RANBP2: variants seen among roughly 807,000 people sequenced by gnomAD.
RANBP2 encodes the protein RAN binding protein 2.
Under a neutral mutation model 303.6 loss-of-function variants are expected in RANBP2, and 57 were observed. The ratio of observed to expected loss-of-function variants is 0.19; its 90% CI spans 0.15 to 0.23. The LOEUF is 0.23. RANBP2 is among the 10% of genes least tolerant of loss of function. RANBP2 has a pLI of 1.00. For missense variants in RANBP2, 3,138 were observed against 3,780.8 expected, an observed-to-expected ratio of 0.83 and a Z score of 4.46; for synonymous variants, 1,167 against 1,301.5, an observed-to-expected ratio of 0.90 and a Z score of 2.23.
At chr2:109,189,377 T>TC in the RANBP2 span, among the ~76,000 whole-genome samples, 1 of 151,094 alleles carries the variant, frequency 6.6e-6, no homozygotes, top group Non-Finnish European at 1.5e-5. Context: ...CTTTTTTTTT[T>TC]TTTTCTTTTT....
the RANBP2 span, among the ~76,000 whole-genome samples, chr2:109,061,662 T>G: frequency 6.6e-6 from 1 of 152,202 alleles, no homozygotes. Context: ...AGAAAAATAT[T>G]CCTCAGTTCA....
the RANBP2 span, among the ~76,000 whole-genome samples, chr2:109,488,408 T>A: frequency 6.6e-6 from 1 of 152,184 alleles, no homozygotes; most frequent in Non-Finnish European, 1.5e-5. Context: ...TCAGGCCTCC[T>A]GGGGAGCCAG....
chr2:109,381,772 G>A, the RANBP2 span, among the ~76,000 whole-genome samples: 1 of 152,264 alleles, frequency 6.6e-6, no homozygotes, highest in South Asian at 2.1e-4. Context: ...TCGCTTCGCA[G>A]AAGGGGAAGG....
the RANBP2 span, among the ~76,000 whole-genome samples, chr2:109,330,270 T>C: frequency 6.6e-6 from 1 of 152,128 alleles, no homozygotes; most frequent in Non-Finnish European, 1.5e-5. Flanking sequence ...TTTCCTCAAT[T>C]TTGGTGTGCA....
At chr2:108,919,986 C>T in the RANBP2 span, among the ~76,000 whole-genome samples, 2 of 152,236 alleles carry the variant, frequency 1.3e-5, no homozygotes, top group Non-Finnish European at 2.9e-5. Context: ...CCTCTACCTC[C>T]CCACCAAGCA....
the RANBP2 span, among the ~76,000 whole-genome samples, chr2:109,185,382 G>C: frequency 6.6e-6 from 1 of 152,218 alleles, no homozygotes; most frequent in East Asian, 1.9e-4. Context: ...GAAGACAGCT[G>C]TGCTTTTTAT....
At chr2:108,783,530 T>G (rs543547440) in intron 28 of RANBP2, 66 bp from the exon 29 acceptor site, 2 of 1,237,900 alleles carry the variant, frequency 1.6e-6, no homozygotes, top group Non-Finnish European at 2.3e-6. Context: ...TATTTTAATA[T>G]TTTACTCAGG....
the RANBP2 span, among the ~76,000 whole-genome samples, chr2:109,218,003 G>A: frequency 6.6e-6 from 1 of 152,194 alleles, no homozygotes; most frequent in African/African-American, 2.4e-5. Context: ...GTGCGGACTC[G>A]AGTTTGCTTG....
At chr2:108,781,993 T>G (rs1000530911) in intron 26 of RANBP2, 135 bp from the exon 27 acceptor site, 1 of 944,786 alleles carries the variant, frequency 1.1e-6, no homozygotes, top group Non-Finnish European at 1.6e-6. Context: ...CCCTAAGATA[T>G]ATAACCAGTT....
chr2:109,234,668 C>G, the RANBP2 span, among the ~76,000 whole-genome samples: 4 of 152,202 alleles, frequency 2.6e-5, no homozygotes, highest in East Asian at 1.9e-4. Flanking sequence ...TCTTGTTGAT[C>G]TCACAGGGGT....
chr2:109,573,879 T>C, the RANBP2 span, among the ~76,000 whole-genome samples: 2 of 152,204 alleles, frequency 1.3e-5, no homozygotes, highest in Admixed American at 6.5e-5. Context: ...ATGGTCCAAA[T>C]TAAAATGTAT....
At chr2:109,381,892 G>T in the RANBP2 span, among the ~76,000 whole-genome samples, 1 of 152,094 alleles carries the variant, frequency 6.6e-6, no homozygotes, top group Non-Finnish European at 1.5e-5. Context: ...GAGTGCATGT[G>T]CAATGGGCAA....
At chr2:109,686,938 G>C in the RANBP2 span, among the ~76,000 whole-genome samples, 2 of 152,224 alleles carry the variant, frequency 1.3e-5, no homozygotes, top group Non-Finnish European at 2.9e-5. Flanking sequence ...TTGTAGATGT[G>C]ATAAATGTAC....
chr2:109,011,248 C>T, the RANBP2 span, among the ~76,000 whole-genome samples: 3 of 152,192 alleles, frequency 2.0e-5, no homozygotes, highest in Non-Finnish European at 4.4e-5. Context: ...AATTACAGAA[C>T]AACTGGAATT....
chr2:109,289,562 T>G, the RANBP2 span, among the ~76,000 whole-genome samples: 1 of 152,206 alleles, frequency 6.6e-6, no homozygotes, highest in African/African-American at 2.4e-5. Context: ...GGGACCATGG[T>G]GTAGCACTGG....
At chr2:108,793,565 ACTT>A in the RANBP2 span, among the ~76,000 whole-genome samples, 1 of 151,702 alleles carries the variant, frequency 6.6e-6, no homozygotes, top group African/African-American at 2.4e-5. Flanking sequence ...TTTTGCTACT[ACTT>A]ATATACCCTC....
At chr2:109,252,026 C>A in the RANBP2 span, among the ~76,000 whole-genome samples, 1 of 152,040 alleles carries the variant, frequency 6.6e-6, no homozygotes, top group African/African-American at 2.4e-5. Context: ...GAGGATGGAT[C>A]ACTTGAGCTA....
chr2:108,884,161 C>G, the RANBP2 span: 1 of 152,648 alleles, frequency 6.6e-6, no homozygotes, highest in Non-Finnish European at 1.5e-5. Context: ...CCTCGGCTTC[C>G]TAAAGTGTTG....
chr2:109,172,600 T>C, the RANBP2 span, among the ~76,000 whole-genome samples: 2 of 152,172 alleles, frequency 1.3e-5, no homozygotes, highest in African/African-American at 4.8e-5. Flanking sequence ...CCACCCAGGC[T>C]GGTGTTTTGA....
Sources: gnomAD v4.1 joint callset for allele counts (sites outside exome capture counted in the v4.1 genomes callset) on GRCh38, gnomAD v4.1.1 for gene constraint, MANE v1.5 for transcripts, NCBI Gene and HGNC (gene_info 2026-07-23, HGNC 2026-07-21) for gene names.